The following ADGRB3 variants were observed in gnomAD, a reference collection of about 807,000 sequenced individuals.
ADGRB3 encodes the protein brain-specific angiogenesis inhibitor 3.
In ADGRB3, 37 loss-of-function variants were observed where a neutral mutation model predicts 193.4. The observed-to-expected ratio is 0.19, with a 90% CI of 0.15 to 0.25. The LOEUF (loss-of-function observed/expected upper bound fraction) is 0.25, where lower values mean the gene tolerates loss of function less well. Among genes scored for constraint, ADGRB3 ranks in the 10% least tolerant of loss-of-function variants. ADGRB3 has a pLI of 1.00. For missense variants in ADGRB3, 1,637 were observed against 1,852.9 expected (o/e 0.88, Z 2.14); for synonymous variants, 690 against 644.2 (o/e 1.07, Z -1.08).
intron 3 of ADGRB3, among the ~76,000 whole-genome samples, chr6:68,644,923 T>A (rs974069407): frequency 1.3e-5 from 2 of 152,204 alleles, no homozygotes; most frequent in African/African-American, 4.8e-5. Context: ...ATTAATGTAC[T>A]TCAAGTTCAT....
chr6:69,174,528 T>C (rs1436181965), intron 17 of ADGRB3, among the ~76,000 whole-genome samples: 2 of 152,248 alleles, frequency 1.3e-5, no homozygotes, highest in Non-Finnish European at 2.9e-5. Flanking sequence ...ATTCCATGTC[T>C]TTGCTATTGT....
chr6:69,096,265 C>A (rs956787159), intron 17 of ADGRB3, among the ~76,000 whole-genome samples: 2 of 151,702 alleles, frequency 1.3e-5, no homozygotes, highest in Non-Finnish European at 2.9e-5. Context: ...TGCCTAAGAT[C>A]AGGTTTTAAA....
intron 3 of ADGRB3, among the ~76,000 whole-genome samples, chr6:68,755,814 T>A (rs1161502442): frequency 6.6e-6 from 1 of 152,196 alleles, no homozygotes; most frequent in Admixed American, 6.5e-5. Context: ...AGGAATATAC[T>A]TGGGACATTT....
intron 17 of ADGRB3, among the ~76,000 whole-genome samples, chr6:69,090,139 A>G (rs564173729): frequency 1.3e-5 from 2 of 152,270 alleles, no homozygotes; most frequent in South Asian, 2.1e-4. Context: ...CTAAACTTCT[A>G]TTACCTAGGT....
chr6:68,791,432 C>A (rs6455302), intron 3 of ADGRB3, among the ~76,000 whole-genome samples: 84,411 of 151,952 alleles, frequency 0.56, 24,249 homozygotes, highest in East Asian at 0.86. Flanking sequence ...TGGAACGTTT[C>A]TTTTATTGCT....
At chr6:69,175,056 G>A (rs1279587625) in intron 17 of ADGRB3, among the ~76,000 whole-genome samples, 1 of 152,002 alleles carries the variant, frequency 6.6e-6, no homozygotes, top group Non-Finnish European at 1.5e-5. Context: ...CATTCTGTAG[G>A]TTGTCTGTTT....
intron 4 of ADGRB3, among the ~76,000 whole-genome samples, chr6:68,931,616 C>T (rs1279380083): frequency 6.6e-6 from 1 of 152,056 alleles, no homozygotes; most frequent in East Asian, 1.9e-4. Flanking sequence ...CCTGACATGA[C>T]ATTTAGACTG....
chr6:69,176,397 A>T (rs1051106844), intron 17 of ADGRB3, among the ~76,000 whole-genome samples: 4 of 152,150 alleles, frequency 2.6e-5, no homozygotes, highest in Admixed American at 6.6e-5. Context: ...AGATGATTAT[A>T]TGGTTCTTGT....
chr6:69,289,649 C>G (rs1280606076), intron 20 of ADGRB3, among the ~76,000 whole-genome samples: 1 of 152,088 alleles, frequency 6.6e-6, no homozygotes, highest in Non-Finnish European at 1.5e-5. Context: ...CAAACCTGGA[C>G]CAAGGCATTT....
chr6:68,830,032 T>C (rs1429302694), intron 3 of ADGRB3, among the ~76,000 whole-genome samples: 2 of 152,154 alleles, frequency 1.3e-5, no homozygotes, highest in African/African-American at 4.8e-5. Flanking sequence ...AATAAACAGC[T>C]AAGATTTTAC....
intron 16 of ADGRB3, among the ~76,000 whole-genome samples, chr6:69,065,768 C>T (rs890852554): frequency 4.6e-4 from 64 of 137,900 alleles, no homozygotes; most frequent in African/African-American, 1.1e-3. Flanking sequence ...TATATATACA[C>T]ACACACACAC....
At chr6:68,976,202 A>G (rs933000043) in intron 10 of ADGRB3, among the ~76,000 whole-genome samples, 3 of 152,214 alleles carry the variant, frequency 2.0e-5, no homozygotes, top group African/African-American at 7.2e-5. Flanking sequence ...AATCCTAAAG[A>G]GTATTCTTGC....
At chr6:69,247,365 T>G (rs569315278) in intron 20 of ADGRB3, among the ~76,000 whole-genome samples, 1 of 152,182 alleles carries the variant, frequency 6.6e-6, no homozygotes, top group Non-Finnish European at 1.5e-5. Flanking sequence ...CAGACTGATA[T>G]AGCCTCTAGC....
intron 30 of ADGRB3, among the ~76,000 whole-genome samples, chr6:69,376,306 C>T: frequency 6.6e-6 from 1 of 151,732 alleles, no homozygotes; most frequent in East Asian, 1.9e-4. Context: ...CCATGTTGCC[C>T]AGGCCAGTCT....
chr6:69,169,508 T>G (rs566841265), intron 17 of ADGRB3, among the ~76,000 whole-genome samples: 7 of 149,868 alleles, frequency 4.7e-5, no homozygotes, highest in African/African-American at 1.7e-4. Context: ...CAAATTATAA[T>G]TAAATTATAT....
intron 3 of ADGRB3, among the ~76,000 whole-genome samples, chr6:68,811,860 TATAG>T (rs1202203488): frequency 1.3e-5 from 2 of 152,068 alleles, no homozygotes; most frequent in African/African-American, 2.4e-5. Flanking sequence ...GATAGAGAGA[TATAG>T]ATAGATACAT....
At chr6:68,840,557 T>A (rs1429827301) in intron 3 of ADGRB3, among the ~76,000 whole-genome samples, 1 of 151,730 alleles carries the variant, frequency 6.6e-6, no homozygotes, top group Non-Finnish European at 1.5e-5. Flanking sequence ...GGGCCTGTGC[T>A]GGTGGCTGCC....
At chr6:68,841,234 C>T (rs1297022971) in intron 3 of ADGRB3, among the ~76,000 whole-genome samples, 1 of 152,134 alleles carries the variant, frequency 6.6e-6, no homozygotes, top group Non-Finnish European at 1.5e-5. Flanking sequence ...ATTTACTCTT[C>T]ATGATAGAAC....
chr6:69,093,680 T>C (rs1316729828), intron 17 of ADGRB3, among the ~76,000 whole-genome samples: 1 of 147,894 alleles, frequency 6.8e-6, no homozygotes, highest in Non-Finnish European at 1.5e-5. Context: ...TTCGGGGGGA[T>C]ATAGGGTGGG....
Sources: allele counts gnomAD v4.1 joint callset (sites outside exome capture counted in the v4.1 genomes callset), GRCh38; gene constraint gnomAD v4.1.1; transcripts MANE v1.5; gene names NCBI Gene and HGNC (gene_info 2026-07-23, HGNC 2026-07-21).